Variants in RAD17 observed in about 807,000 individuals in gnomAD.
RAD17 encodes the protein cell cycle checkpoint protein RAD17.
A neutral mutation model predicts 81.5 loss-of-function variants in RAD17; 31 were observed. The observed-to-expected ratio is 0.38, with a 90% confidence interval of 0.29 to 0.51. The LOEUF is 0.51. RAD17 is among the 20% of genes least tolerant of loss of function. The pLI is 0.88. For missense variants in RAD17, 681 were observed against 781.2 expected (o/e 0.87, Z 1.53); for synonymous variants, 261 against 266.2 (o/e 0.98, Z 0.19).
chr5:69,378,987 A>G (rs1763680688), intron 6 of RAD17, among the ~76,000 whole-genome samples: 1 of 152,240 alleles, frequency 6.6e-6, no homozygotes, highest in Non-Finnish European at 1.5e-5. Context: ...CAGGCCTATA[A>G]TCCCAGCACT....
intron 5 of RAD17, 88 bp from the exon 6 acceptor site, chr5:69,374,540 G>T: frequency 2.6e-6 from 2 of 779,808 alleles, no homozygotes; most frequent in South Asian, 2.1e-5. Flanking sequence ...ACTTCTTTTC[G>T]TTAATAATGC....
rs529643646 is a variant in RAD17, at chr5:69,371,612, T to A, written c.-176+55T>A. On this transcript the variant is annotated intron_variant, in intron 3 of 18. Coordinates refer to ENST00000354868, the MANE Select transcript of RAD17 (RefSeq NM_133338.3). ...ATTGCCTTAAAATAATTATAAATTT[T>A]TATATATATTCTTAATAACTTATTA... 231 of 982,672 alleles carry A rather than the reference T, an allele frequency of 2.4e-4. No individual in the cohort carries two copies. In the African/African-American group the frequency reaches 3.5e-3, roughly 15 times the overall value. 60.9% of individuals were successfully genotyped at this position (982,672 alleles called of 1,614,324 possible). A position where few individuals can be genotyped will look rare whatever the true frequency, so the allele number is the denominator to read the frequency against.
At chr5:69,369,749 G>A, upstream of RAD17, 3 of 1,516,182 alleles carry the variant, frequency 2.0e-6, no homozygotes, top group Admixed American at 2.0e-5. Flanking sequence ...GGATGCCTAA[G>A]TCACACACTC....
chr5:69,385,942 T>C (rs1764185030), intron 8 of RAD17, 101 bp from the exon 9 acceptor site: 2 of 1,153,400 alleles, frequency 1.7e-6, no homozygotes, highest in Admixed American at 3.5e-5. Flanking sequence ...TTAAAATACA[T>C]TGAATAAATA....
intron 17 of RAD17, among the ~76,000 whole-genome samples, chr5:69,402,950 T>G (rs1765367282): frequency 6.6e-6 from 1 of 152,202 alleles, no homozygotes; most frequent in South Asian, 2.1e-4. Context: ...TTAATACCGT[T>G]TATTTTATAG....
At chr5:69,379,176 C>T (rs914957100) in intron 6 of RAD17, among the ~76,000 whole-genome samples, 4 of 152,130 alleles carry the variant, frequency 2.6e-5, no homozygotes, top group Admixed American at 1.3e-4. Flanking sequence ...GCGGAAGTTG[C>T]AGTGAGCTGA....
chr5:69,376,325 C>T (rs1763332992), intron 6 of RAD17, among the ~76,000 whole-genome samples: 1 of 152,174 alleles, frequency 6.6e-6, no homozygotes, highest in Admixed American at 6.6e-5. Context: ...TAGAGTTGTA[C>T]AGTAGTGACT....
chr5:69,414,290 T>C lies in RAD17; in HGVS notation c.2011T>C (p.Ter671GlnextTer5). Reference sequence around the variant, plus strand: ...AGAAGACTACGAGAGTGATGGGACATAGAAGCCAGCCTGCTAATCAGATTG... The same window carrying C: ...AGAAGACTACGAGAGTGATGGGACACAGAAGCCAGCCTGCTAATCAGATTG... The part of the protein sequence containing the change: ...IIEDYESDGT[*>Q] The change falls in exon 19 of 19, where the codon TAG becomes CAG. Residue 671 changes from the stop codon to glutamine, a stop_lost. Coordinates refer to ENST00000354868, the MANE Select transcript of RAD17 (RefSeq NM_133338.3). 6.2e-7 allele frequency: 1 copy of C among 1,613,586 alleles called. No individual in the cohort carries two copies. Among genetic ancestry groups the C allele is most frequent in the Non-Finnish European group, 8.5e-7 (1 of 1,179,558 alleles).
chr5:69,392,935 G>A, intron 13 of RAD17: 1 of 511,992 alleles, frequency 2.0e-6, no homozygotes, highest in Admixed American at 3.5e-5. Flanking sequence ...TTTAAGTCTA[G>A]AGAAGCCATA....
At chr5:69,371,590 G>A in intron 3 of RAD17, 33 bp downstream of exon 3, 1 of 1,265,392 alleles carries the variant, frequency 7.9e-7, no homozygotes, top group Non-Finnish European at 1.0e-6. Context: ...TGTAATAATT[G>A]CCTTAAAATA....
chr5:69,392,928 A>G (rs969843865), intron 13 of RAD17: 7 of 501,994 alleles, frequency 1.4e-5, no homozygotes, highest in Admixed American at 1.0e-4. Context: ...GGAATATTTT[A>G]AGTCTAGAGA....
At chr5:69,375,367 G>A (rs968409613) in intron 6 of RAD17, among the ~76,000 whole-genome samples, 1 of 152,030 alleles carries the variant, frequency 6.6e-6, no homozygotes, top group African/African-American at 2.4e-5. Flanking sequence ...GCCAAAAACA[G>A]TCATTATTTA....
Position 69,396,513 on chromosome 5 carries a change from G to A in RAD17, c.1539G>A (p.Leu513=), listed in dbSNP as rs1288854955. 3.1e-6 allele frequency: 5 copies of A among 1,602,782 alleles called. No homozygotes were observed. In the African/African-American group the frequency reaches 6.9e-5, roughly 22 times the overall value. Residue 513 remains leucine, a synonymous_variant, in exon 16 of 19, where the codon TTG becomes TTA. Coordinates refer to ENST00000354868, the MANE Select transcript of RAD17 (RefSeq NM_133338.3). ...CQGGGSSFRP[L]HKPQWFLINK... is the part of the protein sequence containing the mutation. Reference sequence around the variant, plus strand: ...GAGGAGGATCAAGTTTTCGACCCTTGCACAAACCTCAGTGGTTTCTAATAA... The same window carrying A: ...GAGGAGGATCAAGTTTTCGACCCTTACACAAACCTCAGTGGTTTCTAATAA...
intron 6 of RAD17, among the ~76,000 whole-genome samples, chr5:69,375,123 GCAAAA>G (rs1374373212): frequency 2.0e-5 from 3 of 152,056 alleles, no homozygotes; most frequent in Non-Finnish European, 4.4e-5. Context: ...ACCGTAAAAA[GCAAAA>G]CAAAACAAAA....
intron 17 of RAD17, among the ~76,000 whole-genome samples, chr5:69,401,120 G>C (rs1188444429): frequency 6.6e-6 from 1 of 152,118 alleles, no homozygotes; most frequent in Non-Finnish European, 1.5e-5. Flanking sequence ...TGAGGCAGGA[G>C]AACCTTCAAC....
chr5:69,396,411 C>T lies in RAD17; in HGVS notation c.1437C>T (p.Leu479=), dbSNP rs373613013. 3.5e-5 allele frequency: 56 copies of T among 1,610,868 alleles called. No homozygotes were observed. Among genetic ancestry groups the T allele is most frequent in the Non-Finnish European group, 4.6e-5 (54 of 1,178,390 alleles). ...LSGDWNTRSL[L]REYSTSIATR... ...TCATTTGTTAGACACGCTCTTTACT[C>T]AGGGAATATAGCACATCTATAGCTA... Residue 479 remains leucine (L), a synonymous_variant, in exon 16 of 19, where the codon CTC becomes CTT. Transcript: ENST00000354868.
At chr5:69,383,235 A>AAAAGGGTTC (rs1763964217) in intron 7 of RAD17, among the ~76,000 whole-genome samples, 1 of 152,070 alleles carries the variant, frequency 6.6e-6, no homozygotes, top group African/African-American at 2.4e-5. Context: ...TTTTGAAGGG[A>AAAAGGGTTC]AAAGGGTTCT....
At chr5:69,396,330 A>G in intron 15 of RAD17, 67 bp from the exon 16 acceptor site, 3 of 1,507,138 alleles carry the variant, frequency 2.0e-6, no homozygotes, top group East Asian at 2.3e-5. Flanking sequence ...ATTTTTGTAT[A>G]TATCAGGAAT....
At position 69,377,695 on chromosome 5, in the gene RAD17, A is replaced by ACATG. The variant is rs1763596297; in HGVS notation, c.351+2987_351+2988insGCAT. On this transcript the variant is annotated intron_variant, in intron 6 of 18. Coordinates refer to ENST00000354868, the MANE Select transcript of RAD17 (RefSeq NM_133338.3). ...TATATATGCATATATATATATGTAT[A>ACATG]CATATATATATGTATTGGGAAAAGT... Among the ~76,000 whole-genome samples, 3 of 102,182 alleles carry ACATG rather than the reference A, an allele frequency of 2.9e-5. 1 individual carries two copies. Among genetic ancestry groups the ACATG allele is most frequent in the Admixed American group, 2.3e-4 (2 of 8,734 alleles). The allele number at this position is 102,182 out of a possible 152,430, so 67.0% of individuals were successfully genotyped here. A position where few individuals can be genotyped will look rare whatever the true frequency, so the allele number is the denominator to read the frequency against.
Sources: gnomAD v4.1 joint callset for allele counts (sites outside exome capture counted in the v4.1 genomes callset) on GRCh38, gnomAD v4.1.1 for gene constraint, MANE v1.5 for transcripts, NCBI Gene and HGNC (gene_info 2026-07-23, HGNC 2026-07-21) for gene names.